Variants in OR3A2 observed in about 807,000 individuals in gnomAD.
OR3A2 encodes the protein olfactory receptor family 3 subfamily A member 2.
For missense variants in OR3A2, 318 were observed against 392.8 expected, an observed-to-expected ratio of 0.81 and a Z score of 1.61; for synonymous variants, 126 against 159.3, an observed-to-expected ratio of 0.79 and a Z score of 1.57.
intron 2 of OR3A2, among the ~76,000 whole-genome samples, chr17:3,355,490 T>A (rs1237556460): frequency 6.8e-6 from 1 of 146,198 alleles, no homozygotes; most frequent in Non-Finnish European, 1.5e-5. Context: ...GCTTTATATA[T>A]CTGGGTACTA....
At chr17:3,289,597 T>C (rs2048846156) in intron 3 of OR3A2, among the ~76,000 whole-genome samples, 1 of 152,238 alleles carries the variant, frequency 6.6e-6, no homozygotes, top group South Asian at 2.1e-4. Flanking sequence ...GTGGAAGGTG[T>C]GGTAGCTCCC....
At chr17:3,349,162 A>C (rs567090310) in intron 2 of OR3A2, among the ~76,000 whole-genome samples, 44 of 152,198 alleles carry the variant, frequency 2.9e-4, no homozygotes, top group East Asian at 3.9e-4. Flanking sequence ...TAATGACAAG[A>C]TCAAATTCAC....
intron 2 of OR3A2, among the ~76,000 whole-genome samples, chr17:3,375,448 A>G (rs188188020): frequency 5.9e-5 from 9 of 151,592 alleles, no homozygotes; most frequent in Admixed American, 5.2e-4. Flanking sequence ...GACTACAGGC[A>G]TATGCCACCA....
intron 3 of OR3A2, among the ~76,000 whole-genome samples, chr17:3,308,876 C>T (rs920999582): frequency 6.6e-6 from 1 of 151,642 alleles, no homozygotes; most frequent in Non-Finnish European, 1.5e-5. Flanking sequence ...ATATCTATCC[C>T]TCAGCCAGAG....
intron 3 of OR3A2, among the ~76,000 whole-genome samples, chr17:3,312,097 G>C (rs1021936060): frequency 2.6e-5 from 4 of 152,122 alleles, no homozygotes; most frequent in Non-Finnish European, 5.9e-5. Context: ...CTTGGATTGA[G>C]GAGAAAGGCA....
At chr17:3,364,658 G>A (rs1160732243) in intron 2 of OR3A2, among the ~76,000 whole-genome samples, 1 of 152,166 alleles carries the variant, frequency 6.6e-6, no homozygotes, top group Non-Finnish European at 1.5e-5. Context: ...TATGCTATTG[G>A]TAGAAATATA....
intron 2 of OR3A2, among the ~76,000 whole-genome samples, chr17:3,373,539 A>T (rs1162503552): frequency 1.3e-5 from 2 of 152,164 alleles, no homozygotes; most frequent in African/African-American, 4.8e-5. Context: ...TTTTATCATT[A>T]TATAATGTCT....
At chr17:3,322,705 G>A (rs1167228183) in intron 3 of OR3A2, among the ~76,000 whole-genome samples, 1 of 152,138 alleles carries the variant, frequency 6.6e-6, no homozygotes, top group Non-Finnish European at 1.5e-5. Flanking sequence ...TTAATTCTGA[G>A]TTCTAGTTTG....
chr17:3,304,114 T>A (rs1231605424), intron 3 of OR3A2, among the ~76,000 whole-genome samples: 1 of 151,746 alleles, frequency 6.6e-6, no homozygotes, highest in Non-Finnish European at 1.5e-5. Context: ...GAGACAACAC[T>A]CTTTGTAGGA....
chr17:3,291,684 A>G (rs1432343271), intron 3 of OR3A2: 2 of 1,610,428 alleles, frequency 1.2e-6, no homozygotes, highest in Non-Finnish European at 1.7e-6. Context: ...GGCACTCTGC[A>G]CATCAGGGTT....
At chr17:3,277,074 C>A (rs1269751151), downstream of OR3A2, 1 of 150,950 alleles carries the variant, frequency 6.6e-6, no homozygotes, top group Admixed American at 6.6e-5. Flanking sequence ...CAGGCGCCCA[C>A]CACTACACCG....
At chr17:3,383,051 G>C (rs1215645815) in intron 2 of OR3A2, among the ~76,000 whole-genome samples, 4 of 152,182 alleles carry the variant, frequency 2.6e-5, no homozygotes, top group Non-Finnish European at 5.9e-5. Context: ...AGAGTGACCA[G>C]AATGGAAAAG....
At chr17:3,381,372 A>G (rs773760732) in intron 2 of OR3A2, among the ~76,000 whole-genome samples, 2 of 149,086 alleles carry the variant, frequency 1.3e-5, no homozygotes, top group African/African-American at 2.5e-5. Flanking sequence ...TCATTTTGCG[A>G]CCTTAAATAA....
chr17:3,319,610 G>A (rs1242485877), intron 3 of OR3A2, among the ~76,000 whole-genome samples: 2 of 152,062 alleles, frequency 1.3e-5, no homozygotes, highest in African/African-American at 4.8e-5. Context: ...CCACTTATGA[G>A]TGAGAACATG....
chr17:3,349,843 C>G (rs531923510), intron 2 of OR3A2, among the ~76,000 whole-genome samples: 1 of 152,274 alleles, frequency 6.6e-6, no homozygotes, highest in Non-Finnish European at 1.5e-5. Context: ...TCTCAGACCA[C>G]AGTGCAATCA....
At chr17:3,385,010 G>A (rs1296716926) in intron 1 of OR3A2, among the ~76,000 whole-genome samples, 1 of 151,754 alleles carries the variant, frequency 6.6e-6, no homozygotes, top group Non-Finnish European at 1.5e-5. Context: ...TGACCAACAT[G>A]GAGAAACCCG....
intron 1 of OR3A2, among the ~76,000 whole-genome samples, chr17:3,281,599 T>C (rs542480458): frequency 1.3e-5 from 2 of 152,238 alleles, no homozygotes; most frequent in South Asian, 4.1e-4. Flanking sequence ...AGCAGATACT[T>C]CCAACGACTA....
intron 3 of OR3A2, among the ~76,000 whole-genome samples, chr17:3,289,418 C>A (rs2150620457): frequency 6.6e-6 from 1 of 152,356 alleles, no homozygotes; most frequent in Non-Finnish European, 1.5e-5. Context: ...GTCTATGATG[C>A]TGGACCCAGT....
intron 3 of OR3A2, among the ~76,000 whole-genome samples, chr17:3,328,627 C>T (rs368598263): frequency 0.082 from 10,996 of 134,086 alleles, 248 homozygotes; most frequent in African/African-American, 0.16. Flanking sequence ...GGCATCCCTG[C>T]CTTGTGCCAG....
Sources: gnomAD v4.1 joint callset for allele counts (sites outside exome capture counted in the v4.1 genomes callset) on GRCh38, gnomAD v4.1.1 for gene constraint, MANE v1.5 for transcripts, NCBI Gene and HGNC (gene_info 2026-07-23, HGNC 2026-07-21) for gene names.